Variants in ZNF385D observed in about 807,000 individuals in gnomAD.
ZNF385D encodes zinc finger protein 385D.
ZNF385D carries 15 observed loss-of-function variants against 35.8 expected under a neutral mutation model. The ratio of observed to expected loss-of-function variants is 0.42; its 90% CI spans 0.28 to 0.64. The LOEUF (loss-of-function observed/expected upper bound fraction) is 0.64, where lower values mean the gene tolerates loss of function less well. ZNF385D is among the 30% of genes least tolerant of loss of function. The pLI, the probability that ZNF385D is intolerant of heterozygous loss-of-function variation, is 0.23. For missense variants in ZNF385D, 474 were observed against 494.6 expected (o/e 0.96, Z 0.39); for synonymous variants, 212 against 186.8 (o/e 1.13, Z -1.10).
At chr3:22,048,757 G>T (rs1159590174) in intron 3 of ZNF385D, among the ~76,000 whole-genome samples, 1 of 152,108 alleles carries the variant, frequency 6.6e-6, no homozygotes, top group African/African-American at 2.4e-5. Flanking sequence ...TGAATTTTAG[G>T]ATTGTTTTTT....
chr3:21,503,210 A>G (rs1329163078), intron 4 of ZNF385D, among the ~76,000 whole-genome samples: 3 of 152,218 alleles, frequency 2.0e-5, no homozygotes, highest in African/African-American at 7.2e-5. Context: ...GTACATCAGG[A>G]ACAGGTATTA....
At chr3:21,956,123 G>A (rs1386310871) in intron 3 of ZNF385D, among the ~76,000 whole-genome samples, 1 of 151,978 alleles carries the variant, frequency 6.6e-6, no homozygotes, top group Non-Finnish European at 1.5e-5. Context: ...GGAGATAGAG[G>A]CTGCAGTGAG....
chr3:21,805,010 G>A (rs188261506), intron 3 of ZNF385D, among the ~76,000 whole-genome samples: 2 of 152,148 alleles, frequency 1.3e-5, no homozygotes, highest in Admixed American at 6.5e-5. Context: ...CCTGGAGGTG[G>A]GGTGGAAAAG....
At chr3:21,707,547 T>C (rs534725431) in intron 1 of ZNF385D, among the ~76,000 whole-genome samples, 5 of 152,314 alleles carry the variant, frequency 3.3e-5, no homozygotes, top group Admixed American at 1.3e-4. Flanking sequence ...ACGAAAGACC[T>C]CTACATATAG....
intron 2 of ZNF385D, among the ~76,000 whole-genome samples, chr3:21,640,936 A>G (rs2065586683): frequency 6.6e-6 from 1 of 152,126 alleles, no homozygotes; most frequent in African/African-American, 2.4e-5. Flanking sequence ...GAGAACCCAC[A>G]GCTTTGCCTA....
chr3:21,434,438 C>T (rs1383645704), intron 5 of ZNF385D, among the ~76,000 whole-genome samples: 2 of 152,128 alleles, frequency 1.3e-5, no homozygotes, highest in East Asian at 1.9e-4. Context: ...ATTTTCTCTT[C>T]TTTATTTTGT....
intron 3 of ZNF385D, among the ~76,000 whole-genome samples, chr3:22,012,372 C>G (rs986548494): frequency 6.6e-6 from 1 of 152,068 alleles, no homozygotes; most frequent in African/African-American, 2.4e-5. Flanking sequence ...TAACTATATA[C>G]CACAAATGTG....
rs192222226 is a variant in ZNF385D, at chr3:21,715,634, G to C, written c.22+35261C>G. Among the ~76,000 whole-genome samples the C allele has an allele frequency of 7.2e-5, 11 of 152,112 alleles. No homozygotes were observed. The East Asian group carries it at 7.8e-4, about 11-fold the overall frequency. On this transcript the variant is annotated intron_variant, in intron 1 of 7. Transcript: ENST00000281523. ...TAGACACCCAGTAGTGGGATTGCTG[G>C]ATTGAATGGTAGTTCTAGTTTTAGT...
chr3:22,173,606 C>T (rs1694613559), intron 2 of ZNF385D, among the ~76,000 whole-genome samples: 1 of 152,024 alleles, frequency 6.6e-6, no homozygotes, highest in Non-Finnish European at 1.5e-5. Flanking sequence ...TCTCTTTATC[C>T]CTTGCTCATT....
intron 3 of ZNF385D, among the ~76,000 whole-genome samples, chr3:22,065,341 C>T (rs1192512196): frequency 2.0e-5 from 3 of 152,148 alleles, no homozygotes; most frequent in Non-Finnish European, 2.9e-5. Context: ...TGCAAAGCTG[C>T]AAAAATAGTC....
chr3:22,243,644 A>G (rs1051044817), intron 2 of ZNF385D, among the ~76,000 whole-genome samples: 4 of 150,002 alleles, frequency 2.7e-5, no homozygotes, highest in African/African-American at 1.0e-4. Context: ...ATGAAAATCA[A>G]AAGATGTTAG....
intron 3 of ZNF385D, among the ~76,000 whole-genome samples, chr3:21,803,157 T>G (rs1173197843): frequency 6.6e-6 from 1 of 152,158 alleles, no homozygotes; most frequent in Non-Finnish European, 1.5e-5. Context: ...TCCAGCTCTC[T>G]GTATCTGTCA....
chr3:22,092,263 C>T (rs772548995), intron 3 of ZNF385D, among the ~76,000 whole-genome samples: 11 of 152,210 alleles, frequency 7.2e-5, no homozygotes, highest in Non-Finnish European at 5.9e-5. Context: ...GTAGAAGCTA[C>T]TAAGGGGGAA....
intron 1 of ZNF385D, among the ~76,000 whole-genome samples, chr3:21,706,009 G>T: frequency 6.6e-6 from 1 of 152,154 alleles, no homozygotes; most frequent in Admixed American, 6.5e-5. Flanking sequence ...GTGAGGAGTG[G>T]AAATTTACCA....
intron 2 of ZNF385D, among the ~76,000 whole-genome samples, chr3:21,644,562 C>T (rs2065697546): frequency 6.6e-6 from 1 of 152,082 alleles, no homozygotes; most frequent in Non-Finnish European, 1.5e-5. Flanking sequence ...GTGGCCCTGG[C>T]CAAGAAATGA....
intron 2 of ZNF385D, among the ~76,000 whole-genome samples, chr3:22,254,120 T>C (rs563035688): frequency 2.0e-5 from 3 of 152,002 alleles, no homozygotes; most frequent in African/African-American, 7.2e-5. Flanking sequence ...ATGACCTTAA[T>C]GTATACAGTT....
At chr3:22,220,555 A>G (rs1166610187) in intron 2 of ZNF385D, among the ~76,000 whole-genome samples, 2 of 152,156 alleles carry the variant, frequency 1.3e-5, no homozygotes, top group Non-Finnish European at 2.9e-5. Context: ...AGATTCTGTT[A>G]TTGTCATTGT....
intron 1 of ZNF385D, among the ~76,000 whole-genome samples, chr3:21,680,924 C>T (rs193282037): frequency 1.0e-3 from 152 of 152,184 alleles, no homozygotes; most frequent in Non-Finnish European, 1.8e-3. Context: ...TCAGACAGTC[C>T]CTTACATCGC....
chr3:21,535,111 A>C (rs1169783146), intron 3 of ZNF385D, among the ~76,000 whole-genome samples: 2 of 152,156 alleles, frequency 1.3e-5, no homozygotes, highest in Non-Finnish European at 2.9e-5. Context: ...TCTAAAGAAC[A>C]TAACAACAAT....
Sources: allele counts gnomAD v4.1 joint callset (sites outside exome capture counted in the v4.1 genomes callset), GRCh38; gene constraint gnomAD v4.1.1; transcripts MANE v1.5; gene names NCBI Gene and HGNC (gene_info 2026-07-23, HGNC 2026-07-21).